The following DNAAF11 variants were observed in gnomAD, a reference collection of about 807,000 sequenced individuals.
The protein encoded by DNAAF11 is leucine rich repeat containing 6.
In DNAAF11, 45 loss-of-function variants were observed where a neutral mutation model predicts 60.8. That is an observed-to-expected ratio of 0.74 (90% CI 0.58 to 0.95). The LOEUF is 0.95. Ranked by LOEUF, DNAAF11 falls within the 40% of genes least tolerant of loss-of-function variation. DNAAF11 has a pLI of 0.00. For synonymous variants in DNAAF11, 191 were observed against 183.5 expected (o/e 1.04, Z -0.33); for missense variants, 546 against 546.2 (o/e 1.00, Z 0.00).
intron 10 of DNAAF11, among the ~76,000 whole-genome samples, chr8:132,587,880 A>C (rs1008191818): frequency 7.2e-5 from 11 of 152,216 alleles, no homozygotes; most frequent in African/African-American, 2.4e-4. Flanking sequence ...TACAGAATAC[A>C]AAAGTCCATT....
At chr8:132,691,827 A>G in the DNAAF11 span, among the ~76,000 whole-genome samples, 2 of 152,122 alleles carry the variant, frequency 1.3e-5, no homozygotes, top group African/African-American at 4.8e-5. Context: ...TTGGGTGGGG[A>G]CACAAGCCTA....
chr8:132,619,324 G>C (rs1819525199), intron 7 of DNAAF11, among the ~76,000 whole-genome samples: 1 of 152,088 alleles, frequency 6.6e-6, no homozygotes, highest in South Asian at 2.1e-4. Flanking sequence ...GGGAGGGATA[G>C]CACTGGGAGA....
chr8:132,632,821 T>C lies in DNAAF11; in HGVS notation c.572A>G (p.His191Arg). The change falls in exon 5 of 12, where the codon CAC becomes CGC. Residue 191 changes from histidine to arginine, a missense_variant. Physicochemically the swap from His to Arg is conservative, Grantham distance 29. Transcript: ENST00000620350. ...GTCTTCATTTTTATCCTCTTCTTGG[T>C]GTTTCCTCTGAGCCTCTTCCTTGAG... ...AKLKEEAQRKHQEEDKNEDKR... is the reference protein window; with the variant it reads ...AKLKEEAQRKRQEEDKNEDKR... 1 of 1,614,034 alleles carries C rather than the reference T, an allele frequency of 6.2e-7. No homozygotes were observed. Among genetic ancestry groups the C allele is most frequent in the South Asian group, 1.1e-5 (1 of 91,080 alleles).
At chr8:132,620,719 G>T (rs965943844) in intron 7 of DNAAF11, among the ~76,000 whole-genome samples, 1 of 152,370 alleles carries the variant, frequency 6.6e-6, no homozygotes, top group South Asian at 2.1e-4. Context: ...AAAAATAGGA[G>T]AGTGAATTAT....
intron 7 of DNAAF11, among the ~76,000 whole-genome samples, chr8:132,616,186 G>C (rs1027148958): frequency 1.3e-5 from 2 of 152,090 alleles, no homozygotes; most frequent in Non-Finnish European, 2.9e-5. Flanking sequence ...TTAACTAGGG[G>C]CATGGCTATG....
At chr8:132,632,464 T>C (rs549245229) in intron 5 of DNAAF11, among the ~76,000 whole-genome samples, 48 of 152,354 alleles carry the variant, frequency 3.2e-4, no homozygotes, top group African/African-American at 1.1e-3. Flanking sequence ...TGTTAATTCA[T>C]CTTTTCTGTA....
chr8:132,586,824 G>T (rs1394592417), intron 10 of DNAAF11, among the ~76,000 whole-genome samples: 1 of 152,020 alleles, frequency 6.6e-6, no homozygotes, highest in Non-Finnish European at 1.5e-5. Flanking sequence ...CCCTCTCTTG[G>T]CTTCTTCCCT....
At chr8:132,687,268 T>C in the DNAAF11 span, among the ~76,000 whole-genome samples, 1 of 152,146 alleles carries the variant, frequency 6.6e-6, no homozygotes, top group Non-Finnish European at 1.5e-5. Flanking sequence ...ACATGAGTGA[T>C]CAAATATCAG....
chr8:132,650,427 T>C (rs771916398), intron 3 of DNAAF11, among the ~76,000 whole-genome samples: 54 of 152,020 alleles, frequency 3.6e-4, no homozygotes, highest in Non-Finnish European at 4.7e-4. Flanking sequence ...AAATGATGAG[T>C]TAATGGGTGC....
chr8:132,671,744 AG>A (rs1204491271), intron 1 of DNAAF11, among the ~76,000 whole-genome samples: 1 of 152,130 alleles, frequency 6.6e-6, no homozygotes, highest in Non-Finnish European at 1.5e-5. Context: ...GTTTATCCAA[AG>A]GTTCAATTCA....
chr8:132,699,392 C>T, the DNAAF11 span, among the ~76,000 whole-genome samples: 58 of 152,058 alleles, frequency 3.8e-4, no homozygotes, highest in African/African-American at 1.3e-3. Context: ...CAGTGCTAGG[C>T]GCTGTGATGT....
chr8:132,654,262 C>T (rs538603746), intron 3 of DNAAF11, among the ~76,000 whole-genome samples: 11 of 151,908 alleles, frequency 7.2e-5, no homozygotes, highest in Non-Finnish European at 1.3e-4. Context: ...AGAGCAGAGT[C>T]CCAAAATATC....
intron 10 of DNAAF11, among the ~76,000 whole-genome samples, chr8:132,585,260 A>G (rs552732241): frequency 1.3e-5 from 2 of 152,316 alleles, no homozygotes; most frequent in African/African-American, 4.8e-5. Context: ...GTGGTGCAAG[A>G]CTAGTCTTTT....
intron 3 of DNAAF11, among the ~76,000 whole-genome samples, chr8:132,649,247 G>A (rs908149556): frequency 2.6e-5 from 4 of 152,120 alleles, no homozygotes; most frequent in African/African-American, 9.7e-5. Flanking sequence ...TGACAAACCT[G>A]ACAAAAACAA....
At chr8:132,639,867 A>C (rs1478953767) in intron 3 of DNAAF11, among the ~76,000 whole-genome samples, 1 of 152,214 alleles carries the variant, frequency 6.6e-6, no homozygotes, top group Non-Finnish European at 1.5e-5. Flanking sequence ...AAAAAAAAAA[A>C]ATCATGGTCC....
At chr8:132,694,494 C>T in the DNAAF11 span, among the ~76,000 whole-genome samples, 1 of 152,192 alleles carries the variant, frequency 6.6e-6, no homozygotes, top group African/African-American at 2.4e-5. Flanking sequence ...AGACTTCTAG[C>T]CTCCGTAACT....
intron 1 of DNAAF11, among the ~76,000 whole-genome samples, chr8:132,674,193 G>A (rs569059481): frequency 6.7e-4 from 93 of 138,758 alleles, no homozygotes; most frequent in African/African-American, 2.8e-3. Context: ...GGAGGAGGAG[G>A]AGAAGGAGGA....
chr8:132,628,352 C>T (rs1387098422), intron 5 of DNAAF11, among the ~76,000 whole-genome samples: 2 of 151,854 alleles, frequency 1.3e-5, no homozygotes, highest in African/African-American at 4.8e-5. Context: ...GCAGAGATTG[C>T]GGTGAGCCGA....
chr8:132,673,902 C>T (rs1042767937), intron 1 of DNAAF11, among the ~76,000 whole-genome samples: 1 of 152,062 alleles, frequency 6.6e-6, no homozygotes, highest in Non-Finnish European at 1.5e-5. Context: ...GTAGACACTC[C>T]GATGCAAGTC....
Sources: allele counts gnomAD v4.1 joint callset (sites outside exome capture counted in the v4.1 genomes callset), GRCh38; gene constraint gnomAD v4.1.1; transcripts MANE v1.5; gene names NCBI Gene and HGNC (gene_info 2026-07-23, HGNC 2026-07-21).